The following ANK3 variants were observed in gnomAD, a reference collection of about 807,000 sequenced individuals.
ANK3 encodes ankyrin 3.
In ANK3, 57 loss-of-function variants were observed where a neutral mutation model predicts 370.9. That is an observed-to-expected ratio of 0.15 (90% CI 0.12 to 0.19). The LOEUF is 0.19. Ranked by LOEUF, ANK3 falls within the 10% of genes least tolerant of loss-of-function variation. The pLI, the probability that ANK3 is intolerant of heterozygous loss-of-function variation, is 1.00. For synonymous variants in ANK3, 1,929 were observed against 1,946.3 expected, an observed-to-expected ratio of 0.99 and a Z score of 0.23; for missense variants, 4,439 against 5,302.1, an observed-to-expected ratio of 0.84 and a Z score of 5.06.
rs2096790885 is a variant in ANK3 at position 60,207,961 on chromosome 10, C to A, written c.1194+75G>T. Reference sequence around the variant, plus strand: ...ACCTTCTATTTTAACCTCCTCAAAGCATTCCCTTCACATACAGAGGCAGCA... The same window carrying A: ...ACCTTCTATTTTAACCTCCTCAAAGAATTCCCTTCACATACAGAGGCAGCA... On this transcript the variant is annotated intron_variant, in intron 10 of 43. Coordinates refer to ENST00000280772, the MANE Select transcript of ANK3 (RefSeq NM_020987.5). The A allele has an allele frequency of 2.3e-6, 3 of 1,294,678 alleles. No homozygotes were observed. The East Asian group carries it at 7.0e-5, about 30-fold the overall frequency. The allele number at this position is 1,294,678 out of a possible 1,614,324, so 80.2% of individuals were successfully genotyped here. A position where few individuals can be genotyped will look rare whatever the true frequency, so the allele number is the denominator to read the frequency against.
chr10:60,457,609 A>T (rs1567056810), intron 2 of ANK3, among the ~76,000 whole-genome samples: 1 of 152,136 alleles, frequency 6.6e-6, no homozygotes. Context: ...GGATAAAATG[A>T]TCATCAGTGT....
intron 28 of ANK3, among the ~76,000 whole-genome samples, chr10:60,101,757 A>T (rs796466743): frequency 2.4e-4 from 37 of 152,300 alleles, no homozygotes; most frequent in African/African-American, 8.4e-4. Context: ...GCTGGTGATA[A>T]GGAGTAACTT....
chr10:60,491,404 CA>C (rs1259324167), intron 2 of ANK3, among the ~76,000 whole-genome samples: 2 of 152,210 alleles, frequency 1.3e-5, no homozygotes, highest in Non-Finnish European at 2.9e-5. Flanking sequence ...ATAGCTCAAT[CA>C]AAAACCGTGC....
At chr10:60,191,248 A>G (rs546340364) in intron 16 of ANK3, among the ~76,000 whole-genome samples, 68 of 152,298 alleles carry the variant, frequency 4.5e-4, no homozygotes, top group Middle Eastern at 3.4e-3. Context: ...ACTTAAGTAA[A>G]CTAAAAAGCT....
chr10:60,490,074 C>G lies in ANK3; in HGVS notation c.96+125112G>C, dbSNP rs1488351640. Among the ~76,000 whole-genome samples the G allele has an allele frequency of 2.0e-5, 3 of 152,206 alleles. No homozygotes were observed. In the South Asian group the frequency reaches 6.2e-4, roughly 31 times the overall value. On this transcript the variant is annotated intron_variant, in intron 2 of 43. Coordinates refer to the ANK3 transcript ENST00000373827. ...CCCACTGCCTTCTGCTGCTCTCCCT[C>G]CCTGAAATCAGAGCGCATATGTAGG...
intron 25 of ANK3, among the ~76,000 whole-genome samples, chr10:60,123,137 C>A (rs893540375): frequency 2.6e-5 from 4 of 152,144 alleles, no homozygotes; most frequent in African/African-American, 9.7e-5. Flanking sequence ...CAACACCTAG[C>A]ACTGGGTGGC....
In ANK3 at chr10:60,072,495, T is replaced by C. The variant is rs145834553; in HGVS notation, c.8386A>G (p.Ser2796Gly). Residue 2796 changes from serine to glycine, a missense_variant, in exon 37 of 44, where the codon AGC (serine) becomes GGC (glycine). Around this residue, in one of 13 missense-constraint regions of ANK3, gnomAD observed 1,601 missense variants for 1,731.7 expected, o/e 0.92. Coordinates refer to ENST00000280772, the MANE Select transcript of ANK3 (RefSeq NM_020987.5). The stretch of plus-strand genomic sequence containing the variant: ...GAATCATTTACAACAATTTCGTTGC[T>C]TTGGGCATGCTCATCTTTGGTTTTT... ...VLKTKDEHAQ[S>G]NEIVVNDSGS... 7 of 1,614,048 alleles carry C rather than the reference T, an allele frequency of 4.3e-6. No individual in the cohort carries two copies. The highest frequency in any genetic ancestry group is 5.9e-6 in the Non-Finnish European group (7 of 1,180,002).
At chr10:60,226,575 T>TAC (rs2097164938) in intron 8 of ANK3, among the ~76,000 whole-genome samples, 8 of 67,980 alleles carry the variant, frequency 1.2e-4, no homozygotes, top group Admixed American at 3.8e-4. Flanking sequence ...ATAGTATATG[T>TAC]ATATATACTA....
chr10:60,316,202 A>C (rs1009785211), intron 1 of ANK3, among the ~76,000 whole-genome samples: 1 of 152,206 alleles, frequency 6.6e-6, no homozygotes, highest in Non-Finnish European at 1.5e-5. Context: ...CATCAAAGGC[A>C]GGCTCTGGGG....
At chr10:60,284,676 C>G (rs985087817) in intron 1 of ANK3, among the ~76,000 whole-genome samples, 2 of 152,062 alleles carry the variant, frequency 1.3e-5, no homozygotes, top group Non-Finnish European at 2.9e-5. Flanking sequence ...ATCAGAATTT[C>G]CTCATTAAGT....
At chr10:60,705,824 C>CT (rs11294932) in intron 1 of ANK3, among the ~76,000 whole-genome samples, 11 of 94,516 alleles carry the variant, frequency 1.2e-4, no homozygotes, top group African/African-American at 3.4e-4. Context: ...TTTTTTCTTT[C>CT]TTTTTTTTTT....
chr10:60,277,892 T>G (rs2098113600), intron 4 of ANK3, among the ~76,000 whole-genome samples: 1 of 152,250 alleles, frequency 6.6e-6, no homozygotes, highest in Admixed American at 6.5e-5. Context: ...GAACCAGTTT[T>G]AAATGTGGTC....
At chr10:60,667,343 T>G (rs979877031) in intron 1 of ANK3, among the ~76,000 whole-genome samples, 1 of 151,342 alleles carries the variant, frequency 6.6e-6, no homozygotes, top group South Asian at 2.1e-4. Context: ...CTCTTAAAAG[T>G]CTAAGGAACC....
chr10:60,525,436 G>A (rs1176242721), intron 2 of ANK3, among the ~76,000 whole-genome samples: 4 of 152,080 alleles, frequency 2.6e-5, no homozygotes, highest in African/African-American at 9.7e-5. Flanking sequence ...ATTTAGAAGA[G>A]TTGAAGGAAA....
chr10:60,244,633 C>T (rs1432976266), intron 7 of ANK3, among the ~76,000 whole-genome samples: 1 of 152,112 alleles, frequency 6.6e-6, no homozygotes, highest in Non-Finnish European at 1.5e-5. Flanking sequence ...TTTTCTCATT[C>T]TATTTTCTTA....
At chr10:60,106,938 C>A (rs1046750684) in intron 27 of ANK3, among the ~76,000 whole-genome samples, 2 of 152,090 alleles carry the variant, frequency 1.3e-5, no homozygotes, top group Non-Finnish European at 2.9e-5. Flanking sequence ...TATCATTATT[C>A]TCCTACAGAG....
chr10:60,192,710 G>C (rs951430218), intron 16 of ANK3, among the ~76,000 whole-genome samples: 1 of 152,086 alleles, frequency 6.6e-6, no homozygotes, highest in Non-Finnish European at 1.5e-5. Context: ...GGTAGGAGTG[G>C]GGTGAGGGAC....
chr10:60,059,420 A>G lies in ANK3; in HGVS notation c.12606T>C (p.Asn4202=). 6.2e-7 allele frequency: 1 copy of G among 1,613,954 alleles called. No homozygotes were observed. The highest frequency in any genetic ancestry group is 2.2e-5 in the East Asian group (1 of 44,848). The change falls in exon 41 of 44, where the codon AAT becomes AAC. Residue 4202 remains asparagine, a synonymous_variant. Coordinates refer to ENST00000280772, the MANE Select transcript of ANK3 (RefSeq NM_020987.5). ...ACTCTAGGTTTCCACTTGATGTCTC[A>G]TTCTGCCAACCTGTAATTGAAGACA... The part of the protein sequence containing the change: ...VFHDPVDGWQ[N]ETSSGNLESC...
chr10:60,218,467 G>C (rs1468870839), intron 8 of ANK3, among the ~76,000 whole-genome samples: 1 of 152,138 alleles, frequency 6.6e-6, no homozygotes, highest in Admixed American at 6.5e-5. Flanking sequence ...GCTGTTGTAA[G>C]GCAGGCCTGG....
Sources: allele counts gnomAD v4.1 joint callset (sites outside exome capture counted in the v4.1 genomes callset), GRCh38; gene constraint gnomAD v4.1.1; regional missense constraint gnomAD v4.1.1; transcripts MANE v1.5; gene names NCBI Gene and HGNC (gene_info 2026-07-23, HGNC 2026-07-21).